Variants in SNX31 observed in about 807,000 individuals in gnomAD.
The protein encoded by SNX31 is sorting nexin 31, also known as sorting nexin-31.
Under a neutral mutation model 65.4 loss-of-function variants are expected in SNX31, and 58 were observed. That is an observed-to-expected ratio of 0.89 (90% confidence interval 0.72 to 1.10). SNX31 has a LOEUF of 1.10. SNX31 is among the 50% of genes least tolerant of loss of function. The probability of loss-of-function intolerance (pLI) is 0.00; values close to 1 mark genes in which losing one functional copy is unlikely to be tolerated. For synonymous variants in SNX31, 181 were observed against 190.1 expected, an observed-to-expected ratio of 0.95 and a Z score of 0.39; for missense variants, 523 against 529.7, an observed-to-expected ratio of 0.99 and a Z score of 0.12.
chr8:100,649,238 A>T, intron 2 of SNX31, 36 bp downstream of exon 2: 1 of 1,600,548 alleles, frequency 6.2e-7, no homozygotes. Flanking sequence ...CACCTGTCTC[A>T]GTGGATGGGC....
chr8:100,620,982 A>G (rs1817641502), intron 4 of SNX31, among the ~76,000 whole-genome samples: 2 of 152,056 alleles, frequency 1.3e-5, no homozygotes, highest in Non-Finnish European at 1.5e-5. Context: ...AGGAAAATAC[A>G]TTTAAAAAAA....
chr8:100,633,777 AATG>A (rs1362464915), intron 3 of SNX31, among the ~76,000 whole-genome samples: 1 of 152,224 alleles, frequency 6.6e-6, no homozygotes, highest in Admixed American at 6.5e-5. Context: ...AGGAAAAAAG[AATG>A]ATAAGACAAA....
chr8:100,638,695 T>C (rs746801731), intron 2 of SNX31, among the ~76,000 whole-genome samples: 1 of 152,216 alleles, frequency 6.6e-6, no homozygotes, highest in African/African-American at 2.4e-5. Context: ...CTAAACATAG[T>C]CTCACTCTAT....
At chr8:100,593,760 C>A (rs1814805216) in intron 10 of SNX31, among the ~76,000 whole-genome samples, 1 of 151,872 alleles carries the variant, frequency 6.6e-6, no homozygotes, top group Non-Finnish European at 1.5e-5. Flanking sequence ...GGCCTGATAA[C>A]CTTATCCTAA....
At position 100,630,359 on chromosome 8, in the gene SNX31, C is replaced by G; in HGVS notation, c.289G>C (p.Val97Leu). Reference sequence around the variant, plus strand: ...GCCAGTTTTAAAAACTCAACGAAGACATCACTTCTCAACACGTTTGGGTCC... The same window carrying G: ...GCCAGTTTTAAAAACTCAACGAAGAGATCACTTCTCAACACGTTTGGGTCC... Reference protein sequence around the residue: ...TMDPNVLRSDVFVEFLKLAQL... With the variant: ...TMDPNVLRSDLFVEFLKLAQL... Residue 97 changes from valine to leucine, a missense_variant, in exon 4 of 14, where the codon GTC (valine) becomes CTC (leucine). Val to Leu is a conservative substitution (Grantham distance 32). Transcript: ENST00000311812. This position sits in a 1 kb window ranked among gnomAD's most constrained non-coding sequence, Gnocchi z 5.3. The G allele has an allele frequency of 1.2e-6, 2 of 1,613,492 alleles. No individual in the cohort carries two copies. Among genetic ancestry groups the G allele is most frequent in the Non-Finnish European group, 1.7e-6 (2 of 1,179,882 alleles).
rs1160583490 is a variant in SNX31, at chr8:100,594,691, T to G, written c.978+1948A>C. On this transcript the variant is annotated intron_variant, in intron 10 of 13. Coordinates refer to ENST00000311812, the MANE Select transcript of SNX31 (RefSeq NM_152628.4). This position sits in a 1 kb window ranked among gnomAD's most constrained non-coding sequence, Gnocchi z 4.0. ...GAAAACTGGTTCACTCACACATTGC[T>G]GGTGGGAATGTAAAATGATGTAGCC... Among the ~76,000 whole-genome samples the G allele has an allele frequency of 1.3e-5, 2 of 152,222 alleles. No homozygotes were observed. Among genetic ancestry groups the G allele is most frequent in the Non-Finnish European group, 2.9e-5 (2 of 68,042 alleles).
At position 100,634,297 on chromosome 8, in the gene SNX31, A is replaced by G. The variant is rs190809878; in HGVS notation, c.256+1600T>C. Reference sequence around the variant, plus strand: ...TGGCTTCCTGGTAAGGACTAACATGAAGGCACAAGCTCTGGCACTGCTAAT... The same window carrying G: ...TGGCTTCCTGGTAAGGACTAACATGGAGGCACAAGCTCTGGCACTGCTAAT... On this transcript the variant is annotated intron_variant, in intron 3 of 13. Coordinates refer to ENST00000311812, the MANE Select transcript of SNX31 (RefSeq NM_152628.4). Among the ~76,000 whole-genome samples the G allele has an allele frequency of 3.0e-3, 450 of 152,294 alleles. 1 individual carries two copies. The highest frequency in any genetic ancestry group is 0.01 in the African/African-American group (432 of 41,550).
chr8:100,596,365 G>A (rs1014038138), intron 10 of SNX31, among the ~76,000 whole-genome samples: 1 of 152,120 alleles, frequency 6.6e-6, no homozygotes, highest in Non-Finnish European at 1.5e-5. Context: ...AGCTGTTATT[G>A]CCATCTGCTG....
At position 100,588,813 on chromosome 8, in the gene SNX31, G is replaced by C; in HGVS notation, c.1092+53C>G. ...TCATGTGCTTCATCCACCCCAGCAAGCAAGACAGCATTTCAGCACAGAGGG... is the reference window on the plus strand; with the variant it reads ...TCATGTGCTTCATCCACCCCAGCAACCAAGACAGCATTTCAGCACAGAGGG... On this transcript the variant is annotated intron_variant, in intron 11 of 13. Coordinates refer to ENST00000311812, the MANE Select transcript of SNX31 (RefSeq NM_152628.4). The surrounding 1 kb of genome is among the most constrained non-coding windows in gnomAD (Gnocchi z 4.8). 5.8e-6 allele frequency: 8 copies of C among 1,374,686 alleles called. No homozygotes were observed. The highest frequency in any genetic ancestry group is 8.3e-6 in the Non-Finnish European group (8 of 966,944). The allele number at this position is 1,374,686 out of a possible 1,614,324, so 85.2% of individuals were successfully genotyped here.
chr8:100,636,151 A>G, intron 2 of SNX31, 140 bp from the exon 3 acceptor site: 1 of 598,150 alleles, frequency 1.7e-6, no homozygotes, highest in African/African-American at 1.8e-5. Context: ...AAAGGGGGAA[A>G]AGAGGACAAT....
intron 9 of SNX31, among the ~76,000 whole-genome samples, chr8:100,599,722 C>T (rs1815439052): frequency 6.6e-6 from 1 of 152,116 alleles, no homozygotes; most frequent in Non-Finnish European, 1.5e-5. Flanking sequence ...AAACAGAGGC[C>T]ATTTCTTCTG....
At chr8:100,656,689 T>G (rs1820058603) in intron 1 of SNX31, among the ~76,000 whole-genome samples, 1 of 132,704 alleles carries the variant, frequency 7.5e-6, no homozygotes, top group African/African-American at 2.9e-5. Flanking sequence ...AAGCACAAAC[T>G]GTATAATTAG....
At chr8:100,627,365 A>T (rs1204288902) in intron 4 of SNX31, among the ~76,000 whole-genome samples, 2 of 152,150 alleles carry the variant, frequency 1.3e-5, no homozygotes, top group African/African-American at 2.4e-5. Context: ...AAACAAACAA[A>T]CAAACAAACA....
chr8:100,586,078 G>A (rs1037096038), intron 11 of SNX31, among the ~76,000 whole-genome samples: 12 of 152,108 alleles, frequency 7.9e-5, no homozygotes, highest in African/African-American at 2.4e-4. Context: ...CTGCCACCAT[G>A]CCCAGATGAT....
chr8:100,643,048 A>C (rs58716850), intron 2 of SNX31, among the ~76,000 whole-genome samples: 2,447 of 152,120 alleles, frequency 0.016, 64 homozygotes, highest in African/African-American at 0.056. Flanking sequence ...AAAATTAGCC[A>C]GGTGTGGTGG....
intron 2 of SNX31, among the ~76,000 whole-genome samples, chr8:100,637,208 T>C (rs1378174314): frequency 2.6e-5 from 4 of 152,162 alleles, no homozygotes; most frequent in Admixed American, 2.6e-4. Context: ...ATTTTAAAAT[T>C]AAGAACTAAA....
chr8:100,606,314 T>C (rs1289250059), intron 8 of SNX31, among the ~76,000 whole-genome samples: 1 of 152,220 alleles, frequency 6.6e-6, no homozygotes, highest in Non-Finnish European at 1.5e-5. Flanking sequence ...GGATTACAGG[T>C]GTGTGTCCCC....
At chr8:100,652,274 G>A (rs370170484), upstream of SNX31, among the ~76,000 whole-genome samples, 13 of 152,136 alleles carry the variant, frequency 8.5e-5, no homozygotes, top group Non-Finnish European at 1.6e-4. Flanking sequence ...CACCGCGCCC[G>A]GCCCACAGGT....
At chr8:100,591,333 A>G (rs1814554243) in intron 10 of SNX31, among the ~76,000 whole-genome samples, 1 of 151,946 alleles carries the variant, frequency 6.6e-6, no homozygotes, top group South Asian at 2.1e-4. Flanking sequence ...ACTAAAGATT[A>G]CTCTGCAACT....
Sources: gnomAD v4.1 joint callset for allele counts (sites outside exome capture counted in the v4.1 genomes callset) on GRCh38, gnomAD v4.1.1 for gene constraint, Gnocchi (gnomAD v3.1) non-coding constraint, MANE v1.5 for transcripts, NCBI Gene and HGNC (gene_info 2026-07-23, HGNC 2026-07-21) for gene names.